The following CFTR variants were observed in gnomAD, a reference collection of about 807,000 sequenced individuals.
CFTR encodes the protein CF transmembrane conductance regulator.
A neutral mutation model predicts 171.6 loss-of-function variants in CFTR; 181 were observed. The ratio of observed to expected loss-of-function variants is 1.05; its 90% CI spans 0.93 to 1.19. The LOEUF is 1.19. Ranked by LOEUF, CFTR falls within the 50% of genes most tolerant of loss-of-function variation. The probability of loss-of-function intolerance (pLI) is 0.00; values close to 1 mark genes in which losing one functional copy is unlikely to be tolerated. For synonymous variants in CFTR, 583 were observed against 608.0 expected, an observed-to-expected ratio of 0.96 and a Z score of 0.60; for missense variants, 1,968 against 1,734.7, an observed-to-expected ratio of 1.13 and a Z score of -2.39.
At chr7:117,530,791 AACTCATTT>A in intron 3 of CFTR, 100 bp from the exon 4 acceptor site, 1 of 755,986 alleles carries the variant, frequency 1.3e-6, no homozygotes, top group South Asian at 1.5e-5. Flanking sequence ...CCTCTATATA[AACTCATTT>A]TAAGTCTCCT....
At chr7:117,483,407 T>C (rs1177789179) in intron 1 of CFTR, among the ~76,000 whole-genome samples, 2 of 152,158 alleles carry the variant, frequency 1.3e-5, no homozygotes. Flanking sequence ...TGGACTTGCT[T>C]CCAAGTGACT....
In CFTR at chr7:117,592,122, A is replaced by C; in HGVS notation, c.1955A>C (p.Gln652Pro). The C allele has an allele frequency of 1.2e-5, 20 of 1,614,064 alleles. No individual in the cohort carries two copies. The highest frequency in any genetic ancestry group is 1.7e-5 in the Non-Finnish European group (20 of 1,179,966). The change falls in exon 14 of 27, where the codon CAA becomes CCA. Residue 652 changes from glutamine (Q) to proline (P), a missense_variant. Gln to Pro is a moderately conservative substitution (Grantham distance 76, BLOSUM62 -1). Coordinates refer to ENST00000003084, the MANE Select transcript of CFTR (RefSeq NM_000492.4). Reference sequence around the variant, plus strand: ...CTCATGGGATGTGATTCTTTCGACCAATTTAGTGCAGAAAGAAGAAATTCA... The same window carrying C: ...CTCATGGGATGTGATTCTTTCGACCCATTTAGTGCAGAAAGAAGAAATTCA... The part of the protein sequence containing the change: ...SKLMGCDSFD[Q>P]FSAERRNSIL...
chr7:117,498,007 G>A (rs1342764229), intron 1 of CFTR, among the ~76,000 whole-genome samples: 4 of 152,072 alleles, frequency 2.6e-5, no homozygotes, highest in African/African-American at 9.7e-5. Context: ...TAGTTTAGAA[G>A]CATTGCATGA....
At chr7:117,575,284 A>C (rs1791754297) in intron 11 of CFTR, among the ~76,000 whole-genome samples, 2 of 152,140 alleles carry the variant, frequency 1.3e-5, no homozygotes. Context: ...AATTCTTGCC[A>C]TTCTGATTTG....
intron 3 of CFTR, among the ~76,000 whole-genome samples, chr7:117,514,489 C>A (rs1798568833): frequency 6.6e-6 from 1 of 152,194 alleles, no homozygotes; most frequent in Non-Finnish European, 1.5e-5. Flanking sequence ...GACATGATCT[C>A]ATTCCTTTTT....
intron 18 of CFTR, among the ~76,000 whole-genome samples, chr7:117,607,650 T>G (rs759945040): frequency 1.3e-5 from 2 of 152,174 alleles, no homozygotes; most frequent in Non-Finnish European, 2.9e-5. Context: ...TCCCTACCCC[T>G]GCAAAATAAT....
At chr7:117,519,352 C>G (rs1479719421) in intron 3 of CFTR, among the ~76,000 whole-genome samples, 1 of 152,002 alleles carries the variant, frequency 6.6e-6, no homozygotes, top group Non-Finnish European at 1.5e-5. Context: ...TATTGTCAGA[C>G]TCTGCTGTAT....
intron 1 of CFTR, among the ~76,000 whole-genome samples, chr7:117,489,016 G>A (rs1197248862): frequency 1.3e-5 from 2 of 151,800 alleles, no homozygotes; most frequent in Non-Finnish European, 2.9e-5. Context: ...AATTTAGTTT[G>A]TTGCTTGAAA....
At chr7:117,612,011 A>G (rs1792399178) in intron 20 of CFTR, among the ~76,000 whole-genome samples, 1 of 56,548 alleles carries the variant, frequency 1.8e-5, no homozygotes, top group Admixed American at 2.1e-4. Context: ...AATCGGATAT[A>G]TATATATATA....
At chr7:117,606,562 C>T in intron 17 of CFTR, 112 bp from the exon 18 acceptor site, 1 of 701,034 alleles carries the variant, frequency 1.4e-6, no homozygotes, top group Non-Finnish European at 2.6e-6. Flanking sequence ...TTTGCTAATT[C>T]TTATTTGGGT....
At chr7:117,481,749 C>T (rs1337451360) in intron 1 of CFTR, among the ~76,000 whole-genome samples, 1 of 152,196 alleles carries the variant, frequency 6.6e-6, no homozygotes, top group African/African-American at 2.4e-5. Flanking sequence ...TGATTACAAA[C>T]TTCCTTCTGG....
intron 3 of CFTR, among the ~76,000 whole-genome samples, chr7:117,523,084 G>A (rs1798709178): frequency 6.6e-6 from 1 of 152,192 alleles, no homozygotes; most frequent in Non-Finnish European, 1.5e-5. Context: ...CCCTTCCAGA[G>A]TAATGCTACC....
At chr7:117,610,346 C>T (rs1429736237) in intron 18 of CFTR, among the ~76,000 whole-genome samples, 173 bp from the exon 19 acceptor site, 1 of 149,156 alleles carries the variant, frequency 6.7e-6, no homozygotes, top group African/African-American at 2.5e-5. Context: ...TGTAACTAAC[C>T]TGCACAATGT....
At chr7:117,510,927 G>A (rs1000037328) in intron 3 of CFTR, among the ~76,000 whole-genome samples, 1 of 152,018 alleles carries the variant, frequency 6.6e-6, no homozygotes, top group African/African-American at 2.4e-5. Flanking sequence ...GAAGTTGAGC[G>A]TGAGGCAAAT....
chr7:117,540,420 G>C (rs530399284), intron 8 of CFTR, 74 bp downstream of exon 8: 1 of 1,388,878 alleles, frequency 7.2e-7, no homozygotes, highest in African/African-American at 1.4e-5. Flanking sequence ...AATGAACTTT[G>C]CAAAAATGTG....
In CFTR at chr7:117,665,535, G is replaced by A; in HGVS notation, c.4213G>A (p.Glu1405Lys). 1 of 1,612,916 alleles carries A rather than the reference G, an allele frequency of 6.2e-7. No individual in the cohort carries two copies. Among genetic ancestry groups the A allele is most frequent in the Non-Finnish European group, 8.5e-7 (1 of 1,179,078 alleles). Residue 1405 changes from glutamate to lysine, a missense_variant, in exon 26 of 27, where the codon GAA (glutamate) becomes AAA (lysine). Transcript: ENST00000003084. The stretch of plus-strand genomic sequence containing the variant: ...AGTAATTCTCTGTGAACACAGGATA[G>A]AAGCAATGCTGGAATGCCAACAATT... Reference protein sequence around the residue: ...CTVILCEHRIEAMLECQQFLV... With the variant: ...CTVILCEHRIKAMLECQQFLV...
At chr7:117,648,067 A>ATG (rs1350241082) in intron 23 of CFTR, among the ~76,000 whole-genome samples, 2 of 136,366 alleles carry the variant, frequency 1.5e-5, no homozygotes, top group African/African-American at 5.8e-5. Context: ...ATATGTATAT[A>ATG]TGTATATATA....
intron 13 of CFTR, among the ~76,000 whole-genome samples, 199 bp from the exon 14 acceptor site, chr7:117,591,735 T>C (rs1792026935): frequency 1.3e-5 from 2 of 152,156 alleles, no homozygotes; most frequent in Non-Finnish European, 2.9e-5. Flanking sequence ...CTTTTCAATA[T>C]AGCATGTTAT....
At chr7:117,487,470 A>C (rs1798092983) in intron 1 of CFTR, among the ~76,000 whole-genome samples, 1 of 152,148 alleles carries the variant, frequency 6.6e-6, no homozygotes, top group Non-Finnish European at 1.5e-5. Context: ...ACAACATATG[A>C]GAGATCATAG....
Sources: gnomAD v4.1 joint callset for allele counts (sites outside exome capture counted in the v4.1 genomes callset) on GRCh38, gnomAD v4.1.1 for gene constraint, MANE v1.5 for transcripts, NCBI Gene and HGNC (gene_info 2026-07-23, HGNC 2026-07-21) for gene names.